CRPPA: variants seen among roughly 807,000 people sequenced by gnomAD.
CRPPA encodes the protein D-ribitol-5-phosphate cytidylyltransferase.
CRPPA carries 43 observed loss-of-function variants against 52.0 expected under a neutral mutation model. That is an observed-to-expected ratio of 0.83 (90% CI 0.65 to 1.07). CRPPA has a LOEUF of 1.07. Among genes scored for constraint, CRPPA ranks in the 50% least tolerant of loss-of-function variants. The pLI is 0.00. For synonymous variants in CRPPA, 250 were observed against 203.5 expected (o/e 1.23, Z -1.94); for missense variants, 629 against 551.7 (o/e 1.14, Z -1.40).
intron 1 of CRPPA, among the ~76,000 whole-genome samples, chr7:16,410,167 CT>C (rs1198471560): frequency 6.6e-6 from 1 of 152,162 alleles, no homozygotes; most frequent in Non-Finnish European, 1.5e-5. Flanking sequence ...CCTAAGGCTC[CT>C]TGAGAGCTGG....
chr7:16,298,039 A>C (rs1226317675), intron 5 of CRPPA, among the ~76,000 whole-genome samples: 1 of 152,146 alleles, frequency 6.6e-6, no homozygotes, highest in Non-Finnish European at 1.5e-5. Flanking sequence ...GCTCTGTTAT[A>C]TTTTGGAATT....
chr7:16,236,005 A>T (rs1271994533), intron 8 of CRPPA: 1 of 152,048 alleles, frequency 6.6e-6, no homozygotes, highest in African/African-American at 2.4e-5. Flanking sequence ...TACTAACATT[A>T]ACCTAATTAT....
intron 8 of CRPPA, chr7:16,237,428 T>A (rs1782983059): frequency 6.6e-6 from 1 of 152,146 alleles, no homozygotes; most frequent in South Asian, 2.1e-4. Context: ...GAACAAACCC[T>A]GACTCTTCTT....
At chr7:16,258,717 T>C (rs1243686952) in intron 7 of CRPPA, among the ~76,000 whole-genome samples, 1 of 152,098 alleles carries the variant, frequency 6.6e-6, no homozygotes, top group Non-Finnish European at 1.5e-5. Flanking sequence ...ACAAACAAAA[T>C]TGAAAATATT....
intron 5 of CRPPA, among the ~76,000 whole-genome samples, chr7:16,288,934 G>A (rs1194874729): frequency 6.7e-6 from 1 of 148,288 alleles, no homozygotes; most frequent in Non-Finnish European, 1.5e-5. Context: ...AAGTTTGGTT[G>A]TAAACCACCC....
intron 9 of CRPPA, among the ~76,000 whole-genome samples, chr7:16,152,393 C>T (rs1209387230): frequency 1.3e-5 from 2 of 151,834 alleles, no homozygotes; most frequent in Non-Finnish European, 2.9e-5. Context: ...TGAACTATAA[C>T]ACACTCAAGA....
intron 3 of CRPPA, among the ~76,000 whole-genome samples, chr7:16,353,193 T>G (rs1440424614): frequency 6.6e-6 from 1 of 151,540 alleles, no homozygotes; most frequent in Non-Finnish European, 1.5e-5. Context: ...CTGTTTAAAC[T>G]AAAAAATACA....
At chr7:16,186,382 C>T (rs932112651) in intron 9 of CRPPA, among the ~76,000 whole-genome samples, 3 of 152,262 alleles carry the variant, frequency 2.0e-5, no homozygotes, top group Non-Finnish European at 2.9e-5. Flanking sequence ...CCGCCACGTG[C>T]GTGTACAAGA....
chr7:16,260,904 C>T (rs577216175), intron 6 of CRPPA, among the ~76,000 whole-genome samples: 1 of 151,948 alleles, frequency 6.6e-6, no homozygotes, highest in South Asian at 2.1e-4. Context: ...ATTTTAAAAA[C>T]AAAAACAAAA....
intron 9 of CRPPA, among the ~76,000 whole-genome samples, chr7:16,178,371 C>A (rs1179753851): frequency 6.6e-6 from 1 of 152,036 alleles, no homozygotes; most frequent in Non-Finnish European, 1.5e-5. Flanking sequence ...TTGAGCAGAA[C>A]TTCTAAAGAT....
chr7:16,185,810 G>A (rs752844092), intron 9 of CRPPA, among the ~76,000 whole-genome samples: 10 of 151,984 alleles, frequency 6.6e-5, no homozygotes, highest in Non-Finnish European at 1.2e-4. Flanking sequence ...AGTGAACAAG[G>A]GAAAAAAGTG....
chr7:16,321,749 A>G (rs1239704159), intron 3 of CRPPA, among the ~76,000 whole-genome samples: 2 of 152,208 alleles, frequency 1.3e-5, no homozygotes, highest in African/African-American at 4.8e-5. Flanking sequence ...CACTAAAAGT[A>G]TTCATAGGCA....
intron 9 of CRPPA, among the ~76,000 whole-genome samples, chr7:16,174,409 T>C (rs1324491779): frequency 6.6e-6 from 1 of 152,146 alleles, no homozygotes; most frequent in Middle Eastern, 3.2e-3. Flanking sequence ...AGCAGCCCCA[T>C]AGACAACACA....
At chr7:16,383,973 T>G (rs1386784194) in intron 2 of CRPPA, among the ~76,000 whole-genome samples, 1 of 152,222 alleles carries the variant, frequency 6.6e-6, no homozygotes, top group African/African-American at 2.4e-5. Context: ...CTCGCCCTGC[T>G]TTGGCTCGCG....
chr7:16,386,953 G>A (rs941466416), intron 2 of CRPPA, among the ~76,000 whole-genome samples: 1 of 151,340 alleles, frequency 6.6e-6, no homozygotes, highest in East Asian at 1.9e-4. Context: ...CCAGGAAGCA[G>A]AGGTTACAGT....
chr7:16,383,275 T>A (rs541804008), intron 2 of CRPPA, among the ~76,000 whole-genome samples: 1 of 152,244 alleles, frequency 6.6e-6, no homozygotes, highest in Non-Finnish European at 1.5e-5. Flanking sequence ...CCTGTTTGCC[T>A]GGGTATCAGC....
At chr7:16,170,843 C>A (rs1781167255) in intron 9 of CRPPA, among the ~76,000 whole-genome samples, 1 of 152,226 alleles carries the variant, frequency 6.6e-6, no homozygotes, top group Non-Finnish European at 1.5e-5. Context: ...CCTCATTGCG[C>A]AGCGCCGGCA....
At chr7:16,341,952 C>T (rs1785854407) in intron 3 of CRPPA, among the ~76,000 whole-genome samples, 1 of 152,082 alleles carries the variant, frequency 6.6e-6, no homozygotes, top group Admixed American at 6.5e-5. Flanking sequence ...TCTTTGCTCC[C>T]CACTGTGGAG....
At chr7:16,286,329 G>C (rs1463251294) in intron 5 of CRPPA, among the ~76,000 whole-genome samples, 2 of 151,318 alleles carry the variant, frequency 1.3e-5, no homozygotes, top group Non-Finnish European at 2.9e-5. Flanking sequence ...TCAAATGAAA[G>C]CCTGAGACAT....
Sources: gnomAD v4.1 joint callset for allele counts (sites outside exome capture counted in the v4.1 genomes callset) on GRCh38, gnomAD v4.1.1 for gene constraint, MANE v1.5 for transcripts, NCBI Gene and HGNC (gene_info 2026-07-23, HGNC 2026-07-21) for gene names.